HLA-DMB: variants seen among roughly 807,000 people sequenced by gnomAD.
The protein encoded by HLA-DMB is major histocompatibility complex, class II, DM beta.
In HLA-DMB, 18 loss-of-function variants were observed where a neutral mutation model predicts 29.3. That is an observed-to-expected ratio of 0.62 (90% CI 0.43 to 0.91). The LOEUF (loss-of-function observed/expected upper bound fraction) is 0.91. HLA-DMB is among the 40% of genes least tolerant of loss of function. HLA-DMB has a pLI of 0.00. For synonymous variants in HLA-DMB, 143 were observed against 128.7 expected, an observed-to-expected ratio of 1.11 and a Z score of -0.75; for missense variants, 258 against 320.9, an observed-to-expected ratio of 0.80 and a Z score of 1.50.
At position 32,938,748 on chromosome 6, in the gene HLA-DMB, G is replaced by A. The variant is rs1255063865; in HGVS notation, c.273C>T (p.Arg91=). ...NQKDTLMQRL[R]NGLQNCATHT... ...GTGTGGCACAATTCTGAAGCCCATT[G>A]CGCAAGCGCTGCATCAGGGTGTCTT... The change falls in exon 2 of 6, where the codon CGC becomes CGT. Residue 91 remains arginine (R), a synonymous_variant. Transcript: ENST00000418107. The A allele has an allele frequency of 3.7e-6, 6 of 1,600,134 alleles. No homozygotes were observed. The highest frequency in any genetic ancestry group is 4.3e-6 in the Non-Finnish European group (5 of 1,173,824).
rs1776094403 is a variant in HLA-DMB at position 32,937,745 on chromosome 6, TGTATTTATTTCAA to T, written c.338-302_338-290del. On this transcript the variant is annotated intron_variant, in intron 2 of 5. Coordinates refer to ENST00000418107, the MANE Select transcript of HLA-DMB (RefSeq NM_002118.5). The surrounding 1 kb of genome is among the most constrained non-coding windows in gnomAD (Gnocchi z 4.1). ...AACTGCAAGCTGTTCTAGAAGTTGT[TGTATTTATTTCAA>T]GTACATAAACTGGAAAGTATTTGAA... 2.3e-6 allele frequency: 1 copy of T among 429,338 alleles called. No homozygotes were observed. Among genetic ancestry groups the T allele is most frequent in the South Asian group, 5.1e-5 (1 of 19,788 alleles). 26.6% of individuals were successfully genotyped at this position (429,338 alleles called of 1,614,324 possible). A position where few individuals can be genotyped will look rare whatever the true frequency, so the allele number is the denominator to read the frequency against.
Position 32,938,875 on chromosome 6 carries a change from T to A in HLA-DMB, c.146A>T (p.Asp49Val), listed in dbSNP as rs17617333. ...CTCTGGATCCCAGCAGGTCAGCAGA[T>A]CCTTGTTGAAGGAGATGCAGTATGT... Reference protein sequence around the residue: ...DFTYCISFNKDLLTCWDPEEN... With the variant: ...DFTYCISFNKVLLTCWDPEEN... Residue 49 changes from aspartate to valine, a missense_variant, in exon 2 of 6, where the codon GAT (aspartate) becomes GTT (valine). Coordinates refer to ENST00000418107, the MANE Select transcript of HLA-DMB (RefSeq NM_002118.5). 0.029 allele frequency: 46,941 copies of A among 1,612,178 alleles called. 776 individuals carry two copies. The highest frequency in any genetic ancestry group is 0.044 in the South Asian group (4,034 of 90,932).
At position 32,938,847 on chromosome 6, in the gene HLA-DMB, C is replaced by A; in HGVS notation, c.174G>T (p.Glu58Asp). The stretch of plus-strand genomic sequence containing the variant: ...CAAATTCGCAAGGGGCCATCTTATT[C>A]TCCTCTGGATCCCAGCAGGTCAGCA... ...KDLLTCWDPE[E>D]NKMAPCEFGV... Residue 58 changes from glutamate (E) to aspartate (D), a missense_variant, in exon 2 of 6, where the codon GAG becomes GAT. Glu to Asp is a conservative substitution (Grantham distance 45). Coordinates refer to ENST00000418107, the MANE Select transcript of HLA-DMB (RefSeq NM_002118.5). 6.2e-7 allele frequency: 1 copy of A among 1,612,504 alleles called. No homozygotes were observed.
chr6:32,940,414 GAGAA>G (rs1395893748), intron 1 of HLA-DMB, among the ~76,000 whole-genome samples: 8 of 152,084 alleles, frequency 5.3e-5, no homozygotes, highest in Non-Finnish European at 7.4e-5. Flanking sequence ...AAAGGGTCAA[GAGAA>G]AGAGTCAGCC....
chr6:32,940,820 A>G lies in HLA-DMB; in HGVS notation c.-13T>C. The G allele has an allele frequency of 4.4e-6, 7 of 1,587,672 alleles. No homozygotes were observed. The highest frequency in any genetic ancestry group is 5.1e-6 in the Non-Finnish European group (6 of 1,167,660). ...GGAATGTGATCATGCTCTGCTCTGT[A>G]AAGATGCCGGGAGTTCAGTCCCCTG... On this transcript the variant is annotated 5_prime_UTR_variant, in exon 1 of 6. Coordinates refer to ENST00000418107, the MANE Select transcript of HLA-DMB (RefSeq NM_002118.5).
At position 32,937,282 on chromosome 6, in the gene HLA-DMB, T is replaced by A. The variant is rs771062113; in HGVS notation, c.512A>T (p.Asp171Val). Reference protein sequence around the residue: ...SAHKTAQPNGDWTYQTLSHLA... With the variant: ...SAHKTAQPNGVWTYQTLSHLA... ...ATGGGAGAGGGTCTGGTATGTCCAGTCTCCATTGGGCTGGGCAGTCTTGTG... is the reference window on the plus strand; with the variant it reads ...ATGGGAGAGGGTCTGGTATGTCCAGACTCCATTGGGCTGGGCAGTCTTGTG... Residue 171 changes from aspartate to valine, a missense_variant, in exon 3 of 6, where the codon GAC becomes GTC. By Grantham distance (152) the Asp-to-Val change is radical. Transcript: ENST00000418107. This position sits in a 1 kb window ranked among gnomAD's most constrained non-coding sequence, Gnocchi z 4.1. 8 of 1,613,968 alleles carry A rather than the reference T, an allele frequency of 5.0e-6. No individual in the cohort carries two copies. In the African/African-American group the frequency reaches 1.1e-4, roughly 22 times the overall value.
At chr6:32,939,068 A>G (rs1776192476) in intron 1 of HLA-DMB, 103 bp from the exon 2 acceptor site, 2 of 774,294 alleles carry the variant, frequency 2.6e-6, no homozygotes, top group East Asian at 3.5e-5. Context: ...ATAAATATAT[A>G]AAACATACAG....
rs34962356 is a variant in HLA-DMB, at chr6:32,937,242, G to A, written c.552C>T (p.Pro184=). The A allele has an allele frequency of 6.8e-6, 11 of 1,613,846 alleles. No individual in the cohort carries two copies. In the African/African-American group the frequency reaches 1.2e-4, roughly 18 times the overall value. Residue 184 remains proline, a synonymous_variant, in exon 3 of 6, where the codon CCC becomes CCT. Transcript: ENST00000418107. This position sits in a 1 kb window ranked among gnomAD's most constrained non-coding sequence, Gnocchi z 4.1. The stretch of plus-strand genomic sequence containing the variant: ...CACAGGTGTAAGTGTCCCCGTAAGA[G>A]GGGGTTAAGGCTAAATGGGAGAGGG... ...YQTLSHLALT[P]SYGDTYTCVV...
chr6:32,936,067 C>T (rs1003438842), intron 3 of HLA-DMB: 30 of 191,906 alleles, frequency 1.6e-4, no homozygotes, highest in African/African-American at 7.1e-4. Context: ...TGTCTTACCA[C>T]ATGTCTTAAC....
chr6:32,937,552 T>C lies in HLA-DMB; in HGVS notation c.338-96A>G. ...CCCTATCGCAACTCTTCGTAGATTT[T>C]GCAACCCACTTTCCACCCCAGCCCC... On this transcript the variant is annotated intron_variant, in intron 2 of 5. Coordinates refer to ENST00000418107, the MANE Select transcript of HLA-DMB (RefSeq NM_002118.5). This position sits in a 1 kb window ranked among gnomAD's most constrained non-coding sequence, Gnocchi z 4.1. 8.0e-7 allele frequency: 1 copy of C among 1,255,728 alleles called. No homozygotes were observed. Among genetic ancestry groups the C allele is most frequent in the Non-Finnish European group, 1.1e-6 (1 of 890,404 alleles). 77.8% of individuals were successfully genotyped at this position (1,255,728 alleles called of 1,614,324 possible).
rs747233613 is a variant in HLA-DMB at position 32,938,704 on chromosome 6, C to A, written c.317G>T (p.Gly106Val). Residue 106 changes from glycine to valine, a missense_variant, in exon 2 of 6, where the codon GGA becomes GTA. Transcript: ENST00000418107. ...NCATHTQPFW[G>V]SLTNRTRPPS... Reference sequence around the variant, plus strand: ...CTCACGTGTCCTGTTGGTCAGTGATCCCCAGAAGGGCTGGGTGTGTGTGGC... The same window carrying A: ...CTCACGTGTCCTGTTGGTCAGTGATACCCAGAAGGGCTGGGTGTGTGTGGC... 8.5e-6 allele frequency: 13 copies of A among 1,529,570 alleles called. No homozygotes were observed. The South Asian group carries it at 1.5e-4, about 18-fold the overall frequency. 94.7% of individuals were successfully genotyped at this position (1,529,570 alleles called of 1,614,324 possible). A position where few individuals can be genotyped will look rare whatever the true frequency, so the allele number is the denominator to read the frequency against.
chr6:32,935,094 G>A (rs1282880774), intron 5 of HLA-DMB, 107 bp from the exon 6 acceptor site: 1 of 1,302,874 alleles, frequency 7.7e-7, no homozygotes, highest in Non-Finnish European at 1.1e-6. Context: ...GAAAACTCCA[G>A]GGCACCAACA....
At chr6:32,939,248 T>C (rs562069458) in intron 1 of HLA-DMB, among the ~76,000 whole-genome samples, 69 of 152,304 alleles carry the variant, frequency 4.5e-4, no homozygotes, top group Admixed American at 2.0e-3. Context: ...CAAGTCATGA[T>C]TAGAAGTCTG....
intron 5 of HLA-DMB, 146 bp from the exon 6 acceptor site, chr6:32,935,133 C>T (rs1270794448): frequency 2.8e-5 from 26 of 934,392 alleles, no homozygotes; most frequent in Non-Finnish European, 4.3e-5. Flanking sequence ...CCTTCAGCCT[C>T]CTCTCCACAG....
At chr6:32,938,084 T>C (rs1289059349) in intron 2 of HLA-DMB, 2 of 153,152 alleles carry the variant, frequency 1.3e-5, no homozygotes, top group Non-Finnish European at 2.9e-5. Flanking sequence ...AGGAATTATG[T>C]TAAAATGCAG....
At position 32,937,351 on chromosome 6, in the gene HLA-DMB, G is replaced by A. The variant is rs746861381; in HGVS notation, c.443C>T (p.Thr148Met). Reference sequence around the variant, plus strand: ...GACAAGCTTCCCGTTCTTCCTCCACGTGATAGTCACTTCTGCTGGATAGAA... The same window carrying A: ...GACAAGCTTCCCGTTCTTCCTCCACATGATAGTCACTTCTGCTGGATAGAA... ...WGFYPAEVTI[T>M]WRKNGKLVMP... is the part of the protein sequence containing the mutation. Residue 148 changes from threonine to methionine, a missense_variant, in exon 3 of 6, where the codon ACG (threonine) becomes ATG (methionine). Physicochemically the swap from Thr to Met is moderately conservative, Grantham distance 81 (BLOSUM62 -1). Transcript: ENST00000418107. This position sits in a 1 kb window ranked among gnomAD's most constrained non-coding sequence, Gnocchi z 4.1. The A allele has an allele frequency of 3.7e-6, 6 of 1,614,200 alleles. No homozygotes were observed. Among genetic ancestry groups the A allele is most frequent in the East Asian group, 2.2e-5 (1 of 44,886 alleles).
chr6:32,937,026 C>T lies in HLA-DMB; in HGVS notation c.622+146G>A. The T allele has an allele frequency of 1.7e-6, 1 of 573,758 alleles. No homozygotes were observed. Among genetic ancestry groups the T allele is most frequent in the Non-Finnish European group, 3.0e-6 (1 of 338,324 alleles). 35.5% of individuals were successfully genotyped at this position (573,758 alleles called of 1,614,324 possible). On this transcript the variant is annotated intron_variant, in intron 3 of 5. Transcript: ENST00000418107. The surrounding 1 kb of genome is among the most constrained non-coding windows in gnomAD (Gnocchi z 4.1). Reference sequence around the variant, plus strand: ...ATATTTCCATTTCTTTATCCCATTTCCCCATTCTGGTCCTAAGCCCCCCGT... The same window carrying T: ...ATATTTCCATTTCTTTATCCCATTTTCCCATTCTGGTCCTAAGCCCCCCGT...
chr6:32,937,477 T>C lies in HLA-DMB; in HGVS notation c.338-21A>G. 6.3e-7 allele frequency: 1 copy of C among 1,599,346 alleles called. No homozygotes were observed. The highest frequency in any genetic ancestry group is 8.5e-7 in the Non-Finnish European group (1 of 1,170,062). The stretch of plus-strand genomic sequence containing the variant: ...TGGCCCTGCATAGGAGAAAAAAACA[T>C]GTTTAGGAAGGAGGGTGACATTCTG... On this transcript the variant is annotated intron_variant, in intron 2 of 5. Coordinates refer to ENST00000418107, the MANE Select transcript of HLA-DMB (RefSeq NM_002118.5). This position sits in a 1 kb window ranked among gnomAD's most constrained non-coding sequence, Gnocchi z 4.1.
Position 32,938,766 on chromosome 6 carries a change from G to C in HLA-DMB, c.255C>G (p.Thr85=), listed in dbSNP as rs1048578337. The C allele has an allele frequency of 2.5e-6, 4 of 1,606,434 alleles. No homozygotes were observed. In the African/African-American group the frequency reaches 5.4e-5, roughly 22 times the overall value. ...VLSQHLNQKD[T]LMQRLRNGLQ... Reference sequence around the variant, plus strand: ...GCCCATTGCGCAAGCGCTGCATCAGGGTGTCTTTTTGGTTGAGGTGCTGTG... The same window carrying C: ...GCCCATTGCGCAAGCGCTGCATCAGCGTGTCTTTTTGGTTGAGGTGCTGTG... Residue 85 remains threonine (T), a synonymous_variant, in exon 2 of 6, where the codon ACC becomes ACG. Transcript: ENST00000418107.
Sources: allele counts gnomAD v4.1 joint callset (sites outside exome capture counted in the v4.1 genomes callset), GRCh38; gene constraint gnomAD v4.1.1; non-coding constraint Gnocchi (gnomAD v3.1); transcripts MANE v1.5; gene names NCBI Gene and HGNC (gene_info 2026-07-23, HGNC 2026-07-21).